COL5A3: variants seen among roughly 807,000 people sequenced by gnomAD.
The protein encoded by COL5A3 is collagen alpha-3(V) chain.
Under a neutral mutation model 250.0 loss-of-function variants are expected in COL5A3, and 172 were observed. The observed-to-expected ratio is 0.69, with a 90% CI of 0.61 to 0.78. The LOEUF (loss-of-function observed/expected upper bound fraction) is 0.78. COL5A3 is among the 30% of genes least tolerant of loss of function. The probability of loss-of-function intolerance (pLI) is 0.00; values close to 1 mark genes in which losing one functional copy is unlikely to be tolerated. For synonymous variants in COL5A3, 937 were observed against 900.4 expected (o/e 1.04, Z -0.73); for missense variants, 2,340 against 2,334.4 (o/e 1.00, Z -0.05).
At position 9,968,091 on chromosome 19, in the gene COL5A3, A is replaced by T. The variant is rs766529278; in HGVS notation, c.4315-12T>A. The T allele has an allele frequency of 6.3e-7, 1 of 1,586,480 alleles. No homozygotes were observed. Among genetic ancestry groups the T allele is most frequent in the Non-Finnish European group, 8.5e-7 (1 of 1,172,782 alleles). ...GGACCAGGGGGACCCTAGGAAAAGGACATCGGGTCAGTATTGGTGGGGTAC... is the reference window on the plus strand; with the variant it reads ...GGACCAGGGGGACCCTAGGAAAAGGTCATCGGGTCAGTATTGGTGGGGTAC... On this transcript the variant is annotated splice_polypyrimidine_tract_variant and intron_variant, in intron 59 of 66. Transcript: ENST00000264828. The surrounding 1 kb of genome is among the most constrained non-coding windows in gnomAD (Gnocchi z 4.1).
chr19:9,982,565 G>A (rs549971660), intron 31 of COL5A3, among the ~76,000 whole-genome samples: 1 of 152,258 alleles, frequency 6.6e-6, no homozygotes, highest in South Asian at 2.1e-4. Flanking sequence ...TTCCCCCACT[G>A]TGACATAGCT....
chr19:9,983,585 AAAGAAAGAAAGAAAGAGAAAGAG>A, intron 31 of COL5A3, among the ~76,000 whole-genome samples: 1 of 113,204 alleles, frequency 8.8e-6, no homozygotes, highest in African/African-American at 3.6e-5. Context: ...AGAAAGAAAG[AAAGAAAGAAAGAAAGAGAAAGAG>A]AGAGAGAGAG....
rs1268660683 is a variant in COL5A3 at position 9,969,421 on chromosome 19, A to G, written c.4099-19T>C. The stretch of plus-strand genomic sequence containing the variant: ...GTTCACCCTGAGAATGGAACAGAAC[A>G]TGGGGTGGGCTGCACCCTGTCAGAA... On this transcript the variant is annotated intron_variant, in intron 56 of 66. Coordinates refer to ENST00000264828, the MANE Select transcript of COL5A3 (RefSeq NM_015719.4). 6.2e-7 allele frequency: 1 copy of G among 1,606,628 alleles called. No individual in the cohort carries two copies. Among genetic ancestry groups the G allele is most frequent in the South Asian group, 1.1e-5 (1 of 90,160 alleles).
chr19:9,970,971 T>A lies in COL5A3; in HGVS notation c.3882+4A>T, dbSNP rs1599534929. 6.4e-7 allele frequency: 1 copy of A among 1,563,200 alleles called. No homozygotes were observed. The highest frequency in any genetic ancestry group is 8.6e-7 in the Non-Finnish European group (1 of 1,158,744). On this transcript the variant is annotated splice_donor_region_variant and intron_variant, in intron 53 of 66. Transcript: ENST00000264828. Reference sequence around the variant, plus strand: ...AGCACCACACCCTCTGTTTTCCCACTCACCGGTCCCCCAACATCACCAGGG... The same window carrying A: ...AGCACCACACCCTCTGTTTTCCCACACACCGGTCCCCCAACATCACCAGGG...
chr19:10,003,752 C>A, intron 5 of COL5A3, 38 bp from the exon 6 acceptor site: 1 of 1,609,672 alleles, frequency 6.2e-7, no homozygotes, highest in Non-Finnish European at 8.5e-7. Flanking sequence ...GAGCATCCCA[C>A]CAGCAGAGAC....
intron 8 of COL5A3, among the ~76,000 whole-genome samples, chr19:10,000,600 GGGGGA>G (rs2087346071): frequency 6.6e-6 from 1 of 151,414 alleles, no homozygotes. Context: ...CCCCGGCCCA[GGGGGA>G]GCTTTTAAAG....
intron 16 of COL5A3, among the ~76,000 whole-genome samples, chr19:9,994,592 A>ATATATG (rs2087243657): frequency 7.9e-6 from 1 of 127,054 alleles, no homozygotes; most frequent in South Asian, 2.5e-4. Flanking sequence ...ATATATATAT[A>ATATATG]TATATATATA....
At position 9,968,539 on chromosome 19, in the gene COL5A3, A is replaced by T; in HGVS notation, c.4207-47T>A. The stretch of plus-strand genomic sequence containing the variant: ...GACAGGGGAGGACGTGGGAGGATTC[A>T]GGGAGGTTTTTCTCCTAGAGCCTTA... On this transcript the variant is annotated intron_variant, in intron 58 of 66. Transcript: ENST00000264828. This position sits in a 1 kb window ranked among gnomAD's most constrained non-coding sequence, Gnocchi z 4.1. 6.3e-7 allele frequency: 1 copy of T among 1,575,108 alleles called. No individual in the cohort carries two copies. Among genetic ancestry groups the T allele is most frequent in the Non-Finnish European group, 8.6e-7 (1 of 1,160,946 alleles).
In COL5A3 at chr19:9,977,690, A is replaced by C. The variant is rs2086943362; in HGVS notation, c.3030T>G (p.Gly1010=). ...CTGCTGGGCCCAAAGGACCGCGCTC[A>C]CCAGGGGAGCCCTGAGAACAGGGGT... ...PGPVGANGSP[G]ERGPLGPAGG... Residue 1010 remains glycine, a synonymous_variant, in exon 42 of 67, where the codon GGT becomes GGG. Coordinates refer to ENST00000264828, the MANE Select transcript of COL5A3 (RefSeq NM_015719.4). The C allele has an allele frequency of 6.3e-7, 1 of 1,591,818 alleles. No homozygotes were observed. The highest frequency in any genetic ancestry group is 1.1e-5 in the South Asian group (1 of 88,392).
intron 8 of COL5A3, among the ~76,000 whole-genome samples, chr19:9,999,437 C>T (rs1359990744): frequency 1.3e-5 from 2 of 150,158 alleles, no homozygotes; most frequent in East Asian, 3.9e-4. Flanking sequence ...GCCACTGCAC[C>T]TGGCCTTTTT....
chr19:9,980,086 C>A, intron 35 of COL5A3, 39 bp from the exon 36 acceptor site: 4 of 1,557,276 alleles, frequency 2.6e-6, no homozygotes, highest in Admixed American at 2.0e-5. Context: ...ATCCCCCCTG[C>A]CTCCCTGCCC....
At chr19:9,988,855 A>AGAGAGAGAGAGAGAAAG (rs1555738984) in intron 27 of COL5A3, among the ~76,000 whole-genome samples, 1 of 104,766 alleles carries the variant, frequency 9.5e-6, no homozygotes, top group Non-Finnish European at 1.8e-5. Flanking sequence ...AAAAAAAAAA[A>AGAGAGAGAGAGAGAAAG]AAAGAAAGTA....
chr19:10,007,542 C>T (rs1230077495), intron 1 of COL5A3, among the ~76,000 whole-genome samples: 2 of 152,180 alleles, frequency 1.3e-5, no homozygotes, highest in African/African-American at 2.4e-5. Flanking sequence ...TCCCCTGGGC[C>T]CCGAGCCCCT....
At chr19:9,961,295 G>A (rs34326592) in intron 65 of COL5A3, among the ~76,000 whole-genome samples, 18,241 of 152,172 alleles carry the variant, frequency 0.12, 1,278 homozygotes, top group Non-Finnish European at 0.14. Flanking sequence ...TAATAGCCAC[G>A]TGGCTTTTGA....
chr19:10,001,932 C>T, intron 6 of COL5A3, 51 bp from the exon 7 acceptor site: 1 of 1,335,746 alleles, frequency 7.5e-7, no homozygotes, highest in Non-Finnish European at 1.1e-6. Context: ...GCAATCAAGA[C>T]AAAAGGGAGG....
At chr19:9,964,151 C>A (rs1052002383) in intron 64 of COL5A3, among the ~76,000 whole-genome samples, 1 of 151,720 alleles carries the variant, frequency 6.6e-6, no homozygotes, top group African/African-American at 2.4e-5. Context: ...CCAGCCTGGG[C>A]AACAGAGTGA....
rs143946025 is a variant in COL5A3 at position 9,986,282 on chromosome 19, C to T, written c.2352+33G>A. ...AGGGAAAAGATTGGGGACACCTTGA[C>T]TGTGGGAGGCTAGAGGGTGGAGAGT... On this transcript the variant is annotated intron_variant, in intron 30 of 66. Transcript: ENST00000264828. 1,137 of 1,385,234 alleles carry T rather than the reference C, an allele frequency of 8.2e-4. 7 individuals carry two copies. In the African/African-American group the frequency reaches 0.015, roughly 18 times the overall value. 85.8% of individuals were successfully genotyped at this position (1,385,234 alleles called of 1,614,324 possible). A position where few individuals can be genotyped will look rare whatever the true frequency, so the allele number is the denominator to read the frequency against.
Position 9,960,640 on chromosome 19 carries a change from C to A in COL5A3, c.5091+11G>T. 6.2e-7 allele frequency: 1 copy of A among 1,613,896 alleles called. No individual in the cohort carries two copies. The highest frequency in any genetic ancestry group is 8.5e-7 in the Non-Finnish European group (1 of 1,179,976). On this transcript the variant is annotated intron_variant, in intron 66 of 66. Coordinates refer to ENST00000264828, the MANE Select transcript of COL5A3 (RefSeq NM_015719.4). The stretch of plus-strand genomic sequence containing the variant: ...TCCCCTCTCTAGCTGGCCACTGCCC[C>A]ACCCTCTTACCCGGCAGCCATCCTG...
At chr19:10,004,259 C>T (rs192734590) in intron 4 of COL5A3, 114 bp from the exon 5 acceptor site, 1 of 708,526 alleles carries the variant, frequency 1.4e-6, no homozygotes, top group Non-Finnish European at 2.5e-6. Context: ...TGCAATGCTC[C>T]CCCACCCAGA....
Sources: allele counts gnomAD v4.1 joint callset (sites outside exome capture counted in the v4.1 genomes callset), GRCh38; gene constraint gnomAD v4.1.1; non-coding constraint Gnocchi (gnomAD v3.1); transcripts MANE v1.5; gene names NCBI Gene and HGNC (gene_info 2026-07-23, HGNC 2026-07-21).